The following SLC30A3 variants were observed in gnomAD, a reference collection of about 807,000 sequenced individuals.
SLC30A3 encodes the protein solute carrier family 30 member 3.
A neutral mutation model predicts 35.6 loss-of-function variants in SLC30A3; 20 were observed. That is an observed-to-expected ratio of 0.56 (90% CI 0.39 to 0.82). The LOEUF (loss-of-function observed/expected upper bound fraction) is 0.82, where lower values mean the gene tolerates loss of function less well. SLC30A3 is among the 40% of genes least tolerant of loss of function. SLC30A3 has a pLI of 0.00. For synonymous variants in SLC30A3, 217 were observed against 224.7 expected (o/e 0.97, Z 0.31); for missense variants, 401 against 530.6 (o/e 0.76, Z 2.40).
At chr2:27,269,104 G>A (rs150740563) in intron 1 of SLC30A3, among the ~76,000 whole-genome samples, 526 of 151,764 alleles carry the variant, frequency 3.5e-3, no homozygotes, top group Non-Finnish European at 5.9e-3. Context: ...ACAAATAGTC[G>A]TAACATTAAC....
At chr2:27,269,122 G>A (rs1488471810) in intron 1 of SLC30A3, among the ~76,000 whole-genome samples, 2 of 151,022 alleles carry the variant, frequency 1.3e-5, no homozygotes, top group Non-Finnish European at 2.9e-5. Context: ...AACAGAAATG[G>A]AGAAACAAAC....
At chr2:27,274,334 C>T (rs576428405) in intron 1 of SLC30A3, among the ~76,000 whole-genome samples, 1 of 151,856 alleles carries the variant, frequency 6.6e-6, no homozygotes, top group South Asian at 2.1e-4. Context: ...CAAAACACAA[C>T]AAAACAAACA....
In SLC30A3 at chr2:27,263,035, A is replaced by C. The variant is rs969444731; in HGVS notation, c.-129T>G. ...GCGGCGGGGCCACCAGAGTGGAGCGAACTGCAGCGACTGTGGCGCGCGGAG... is the reference window on the plus strand; with the variant it reads ...GCGGCGGGGCCACCAGAGTGGAGCGCACTGCAGCGACTGTGGCGCGCGGAG... On this transcript the variant is annotated 5_prime_UTR_variant, in exon 1 of 8. Coordinates refer to ENST00000233535, the MANE Select transcript of SLC30A3 (RefSeq NM_003459.5). 3 of 1,380,398 alleles carry C rather than the reference A, an allele frequency of 2.2e-6. No individual in the cohort carries two copies. Among genetic ancestry groups the C allele is most frequent in the Non-Finnish European group, 1.9e-6 (2 of 1,073,228 alleles). The allele number at this position is 1,380,398 out of a possible 1,614,324, so 85.5% of individuals were successfully genotyped here. A position where few individuals can be genotyped will look rare whatever the true frequency, so the allele number is the denominator to read the frequency against.
At chr2:27,256,695 C>T (rs1676876377) in intron 6 of SLC30A3, 93 bp downstream of exon 6, 2 of 1,281,670 alleles carry the variant, frequency 1.6e-6, no homozygotes, top group Non-Finnish European at 2.2e-6. Flanking sequence ...AAGCCTTCTT[C>T]CCGTACTATC....
chr2:27,258,174 G>A lies in SLC30A3; in HGVS notation c.411C>T (p.Gly137=). The part of the protein sequence containing the change: ...TRPATRTMTF[G]WHRSETLGAL... ...CAGGGGCCTTACCTGAACGGTGCCA[G>A]CCAAAGGTCATGGTGCGGGTGGCTG... The change falls in exon 3 of 8, where the codon GGC becomes GGT. Residue 137 remains glycine, a synonymous_variant. Transcript: ENST00000233535. The surrounding 1 kb of genome is among the most constrained non-coding windows in gnomAD (Gnocchi z 4.0). 6.3e-7 allele frequency: 1 copy of A among 1,595,960 alleles called. No individual in the cohort carries two copies. The highest frequency in any genetic ancestry group is 8.6e-7 in the Non-Finnish European group (1 of 1,168,928).
chr2:27,257,306 A>G lies in SLC30A3; in HGVS notation c.625T>C (p.Ser209Pro). 6.2e-7 allele frequency: 1 copy of G among 1,613,516 alleles called. No individual in the cohort carries two copies. The highest frequency in any genetic ancestry group is 1.7e-5 in the Admixed American group (1 of 59,954). ...HQAGPPHSHG[S>P]RGAEYAPLEE... Reference sequence around the variant, plus strand: ...AGCGGTGCATACTCTGCTCCCCTAGACCCGTGGCTGTGGGGGGGCCCAGCC... The same window carrying G: ...AGCGGTGCATACTCTGCTCCCCTAGGCCCGTGGCTGTGGGGGGGCCCAGCC... The change falls in exon 5 of 8, where the codon TCT (serine) becomes CCT (proline). Residue 209 changes from serine (S) to proline (P), a missense_variant. By Grantham distance (74) the Ser-to-Pro change is moderately conservative. This residue lies in a region of SLC30A3 where 296 missense variants were observed against 392.6 expected (regional missense o/e 0.75). Coordinates refer to ENST00000233535, the MANE Select transcript of SLC30A3 (RefSeq NM_003459.5). The surrounding 1 kb of genome is among the most constrained non-coding windows in gnomAD (Gnocchi z 4.7).
Position 27,272,233 on chromosome 2 carries a change from TC to T in SLC30A3, c.-159+2943del, listed in dbSNP as rs1677753126. 2.6e-5 allele frequency among the ~76,000 whole-genome samples: 4 copies of T among 152,328 alleles called. No individual in the cohort carries two copies. In the South Asian group the frequency reaches 8.3e-4, roughly 32 times the overall value. ...CCTCTCACCTTTCTGTATCATGGTT[TC>T]TTCTTGTCTAGGACCATATGAGGGA... On this transcript the variant is annotated intron_variant, in intron 1 of 5. Coordinates refer to the SLC30A3 transcript ENST00000424577.
In SLC30A3 at chr2:27,254,871, G is replaced by C. The variant is rs948469590; in HGVS notation, c.*441C>G. 2.6e-5 allele frequency: 9 copies of C among 344,288 alleles called. No individual in the cohort carries two copies. Among genetic ancestry groups the C allele is most frequent in the African/African-American group, 1.9e-4 (9 of 46,358 alleles). The allele number at this position is 344,288 out of a possible 1,614,324, so 21.3% of individuals were successfully genotyped here. A position where few individuals can be genotyped will look rare whatever the true frequency, so the allele number is the denominator to read the frequency against. ...GGGCCCCTGCATAGACAGAGCGAGG[G>C]CCATGTGGGGAGGGGGCCCCTACTG... On this transcript the variant is annotated 3_prime_UTR_variant, in exon 8 of 8. Coordinates refer to ENST00000233535, the MANE Select transcript of SLC30A3 (RefSeq NM_003459.5).
At chr2:27,275,293 G>A in exon 1 of SLC30A3, 1 of 1,101,754 alleles carries the variant, frequency 9.1e-7, no homozygotes, top group South Asian at 1.3e-5. Flanking sequence ...CTGCCCCAAG[G>A]CCTGGCAGCA....
chr2:27,256,658 T>C, intron 6 of SLC30A3, 130 bp downstream of exon 6: 1 of 1,353,944 alleles, frequency 7.4e-7, no homozygotes, highest in Non-Finnish European at 1.0e-6. Flanking sequence ...GCCCAAATCC[T>C]TGTTCCAGCA....
At position 27,258,162 on chromosome 2, in the gene SLC30A3, T is replaced by C; in HGVS notation, c.423A>G (p.Ser141=). ...TRTMTFGWHR[S]ETLGALASVV... is the part of the protein sequence containing the mutation. Reference sequence around the variant, plus strand: ...CACTGGGCCATGCAGGGGCCTTACCTGAACGGTGCCAGCCAAAGGTCATGG... The same window carrying C: ...CACTGGGCCATGCAGGGGCCTTACCCGAACGGTGCCAGCCAAAGGTCATGG... The change falls in exon 3 of 8, where the codon TCA becomes TCG. Residue 141 remains serine, a splice_region_variant and synonymous_variant. Coordinates refer to ENST00000233535, the MANE Select transcript of SLC30A3 (RefSeq NM_003459.5). The surrounding 1 kb of genome is among the most constrained non-coding windows in gnomAD (Gnocchi z 4.0). 1 of 1,595,148 alleles carries C rather than the reference T, an allele frequency of 6.3e-7. No homozygotes were observed. The highest frequency in any genetic ancestry group is 8.6e-7 in the Non-Finnish European group (1 of 1,167,912).
At chr2:27,263,195 C>G (rs1677319382), upstream of SLC30A3, 3 of 1,060,516 alleles carry the variant, frequency 2.8e-6, no homozygotes, top group African/African-American at 3.3e-5. Context: ...TTTCCCCGCG[C>G]CAGAGCCCGG....
At position 27,255,498 on chromosome 2, in the gene SLC30A3, G is replaced by A. The variant is rs1676797764; in HGVS notation, c.1019-38C>T. ...GATAAGAGGCGGCATCCATCCCGGG[G>A]GAGAAAGAACAGGCAGGGACTGAGA... On this transcript the variant is annotated intron_variant, in intron 7 of 7. Transcript: ENST00000233535. The surrounding 1 kb of genome is among the most constrained non-coding windows in gnomAD (Gnocchi z 5.2). 6.2e-7 allele frequency: 1 copy of A among 1,604,394 alleles called. No homozygotes were observed. The highest frequency in any genetic ancestry group is 8.5e-7 in the Non-Finnish European group (1 of 1,176,226).
chr2:27,264,054 A>T, upstream of SLC30A3: 1 of 1,288,592 alleles, frequency 7.8e-7, no homozygotes, highest in Non-Finnish European at 1.0e-6. The surrounding 1 kb of genome is among the most constrained non-coding windows in gnomAD (Gnocchi z 6.1). Context: ...TCAAATGCTC[A>T]ATGTTCTCTC....
rs1186893092 is a variant in SLC30A3 at position 27,262,216 on chromosome 2, C to A, written c.95+596G>T. On this transcript the variant is annotated intron_variant, in intron 1 of 7. Coordinates refer to ENST00000233535, the MANE Select transcript of SLC30A3 (RefSeq NM_003459.5). This position sits in a 1 kb window ranked among gnomAD's most constrained non-coding sequence, Gnocchi z 7.5. ...CTCGCCGCCCCCGGCCCCGTCTGTG[C>A]GGAGCCGGGAATACCCCCGCTGCCC... The A allele has an allele frequency of 6.6e-6, 1 of 152,046 alleles. No individual in the cohort carries two copies. Among genetic ancestry groups the A allele is most frequent in the Non-Finnish European group, 1.5e-5 (1 of 68,032 alleles). The allele number at this position is 152,046 out of a possible 1,614,324, so 9.4% of individuals were successfully genotyped here.
chr2:27,270,686 AG>A (rs1190549832), intron 1 of SLC30A3, among the ~76,000 whole-genome samples: 3 of 152,232 alleles, frequency 2.0e-5, no homozygotes, highest in African/African-American at 7.2e-5. Flanking sequence ...AGGTGCTGTT[AG>A]CCTAGTGTTG....
chr2:27,261,111 G>A (rs999803647), intron 1 of SLC30A3, among the ~76,000 whole-genome samples: 1 of 152,220 alleles, frequency 6.6e-6, no homozygotes, highest in African/African-American at 2.4e-5. Flanking sequence ...CCTAGTTGGA[G>A]AAGGGTGTTC....
chr2:27,270,007 T>C (rs1427640930), intron 1 of SLC30A3, among the ~76,000 whole-genome samples: 2 of 152,030 alleles, frequency 1.3e-5, no homozygotes, highest in South Asian at 2.1e-4. Context: ...AATGAGAAGA[T>C]AGTTGGTGGG....
chr2:27,258,977 C>A lies in SLC30A3; in HGVS notation c.96-43G>T, dbSNP rs1203389117. On this transcript the variant is annotated intron_variant, in intron 1 of 7. Transcript: ENST00000233535. The surrounding 1 kb of genome is among the most constrained non-coding windows in gnomAD (Gnocchi z 4.0). ...GTTCAACCTGGGCCTGGCCCACAGG[C>A]TGGCCTGCTCACTCCACGTCCTTAG... The A allele has an allele frequency of 4.0e-6, 6 of 1,495,580 alleles. No homozygotes were observed. In the East Asian group the frequency reaches 1.1e-4, roughly 29 times the overall value. The allele number at this position is 1,495,580 out of a possible 1,614,324, so 92.6% of individuals were successfully genotyped here.
Sources: allele counts gnomAD v4.1 joint callset (sites outside exome capture counted in the v4.1 genomes callset), GRCh38; gene constraint gnomAD v4.1.1; regional missense constraint gnomAD v4.1.1; non-coding constraint Gnocchi (gnomAD v3.1); transcripts MANE v1.5; gene names NCBI Gene and HGNC (gene_info 2026-07-23, HGNC 2026-07-21).